Variants in WWP1 observed in about 807,000 individuals in gnomAD.
WWP1 encodes WW domain containing E3 ubiquitin protein ligase 1.
In WWP1, 49 loss-of-function variants were observed where a neutral mutation model predicts 130.6. The ratio of observed to expected loss-of-function variants is 0.38; its 90% CI spans 0.30 to 0.48. The LOEUF is 0.48. WWP1 is among the 20% of genes least tolerant of loss of function. WWP1 has a pLI of 0.99. For synonymous variants in WWP1, 332 were observed against 367.8 expected, an observed-to-expected ratio of 0.90 and a Z score of 1.11; for missense variants, 809 against 1,100.6, an observed-to-expected ratio of 0.74 and a Z score of 3.75.
At chr8:86,399,225 G>A (rs899497888) in intron 7 of WWP1, among the ~76,000 whole-genome samples, 2 of 152,020 alleles carry the variant, frequency 1.3e-5, no homozygotes, top group African/African-American at 2.4e-5. Flanking sequence ...GTATCATACC[G>A]CTCTCTGGAT....
intron 5 of WWP1, among the ~76,000 whole-genome samples, chr8:86,389,074 G>A (rs1462273099): frequency 1.3e-5 from 2 of 151,948 alleles, no homozygotes; most frequent in Admixed American, 1.3e-4. Flanking sequence ...TACTTTCTTA[G>A]ATCTGGGACT....
At chr8:86,458,398 T>G (rs1405658190) in intron 22 of WWP1, among the ~76,000 whole-genome samples, 1 of 152,172 alleles carries the variant, frequency 6.6e-6, no homozygotes, top group Non-Finnish European at 1.5e-5. Context: ...TCCTCTGAGG[T>G]AATAACATAC....
At chr8:86,355,348 C>G (rs568276961) in intron 1 of WWP1, among the ~76,000 whole-genome samples, 4 of 152,168 alleles carry the variant, frequency 2.6e-5, no homozygotes, top group Non-Finnish European at 5.9e-5. Flanking sequence ...GAGTAATTCT[C>G]TTAATCACCT....
chr8:86,431,849 A>G, intron 14 of WWP1, 106 bp downstream of exon 14: 1 of 1,460,794 alleles, frequency 6.8e-7, no homozygotes, highest in African/African-American at 1.4e-5. Flanking sequence ...TTTTTGGTTC[A>G]AGAAAACCTA....
chr8:86,457,958 A>G lies in WWP1; in HGVS notation c.2432A>G (p.Asp811Gly). Residue 811 changes from aspartate to glycine, a missense_variant, in exon 22 of 25, where the codon GAT becomes GGT. Transcript: ENST00000517970. ...GGCATGCAGGAGGTTGACTTGGCAG[A>G]TTGGCAGAGAAATACTGTTTATCGA... ...LCGMQEVDLA[D>G]WQRNTVYRHY... 1.2e-6 allele frequency: 2 copies of G among 1,613,194 alleles called. No homozygotes were observed. The highest frequency in any genetic ancestry group is 1.7e-6 in the Non-Finnish European group (2 of 1,179,288).
At chr8:86,346,208 C>T (rs1395212824) in intron 1 of WWP1, among the ~76,000 whole-genome samples, 3 of 152,180 alleles carry the variant, frequency 2.0e-5, no homozygotes, top group Admixed American at 1.3e-4. Context: ...TTAGCAATAT[C>T]AGATCATTCA....
intron 9 of WWP1, among the ~76,000 whole-genome samples, chr8:86,412,299 T>C (rs1808630557): frequency 6.6e-6 from 1 of 152,226 alleles, no homozygotes; most frequent in Non-Finnish European, 1.5e-5. Flanking sequence ...CAAACCTTGC[T>C]GATTGGCTCT....
At chr8:86,413,170 ACTTTT>A (rs1194139979) in intron 9 of WWP1, among the ~76,000 whole-genome samples, 2 of 152,068 alleles carry the variant, frequency 1.3e-5, no homozygotes, top group African/African-American at 4.8e-5. Flanking sequence ...TTCAGGCCAG[ACTTTT>A]CTTTGAGCTT....
intron 20 of WWP1, among the ~76,000 whole-genome samples, chr8:86,450,302 C>T (rs1358072083): frequency 2.0e-5 from 3 of 152,088 alleles, no homozygotes; most frequent in Non-Finnish European, 4.4e-5. Flanking sequence ...TACTTTTGTA[C>T]TCTGTTAGGT....
intron 9 of WWP1, among the ~76,000 whole-genome samples, chr8:86,415,773 A>T (rs184494352): frequency 6.6e-6 from 1 of 152,202 alleles, no homozygotes; most frequent in African/African-American, 2.4e-5. Flanking sequence ...GCTTCTTCTA[A>T]TCAGCATGAT....
rs1586277173 is a variant in WWP1, at chr8:86,368,945, C to G, written c.-108C>G. The G allele has an allele frequency of 6.6e-6, 1 of 152,182 alleles. No homozygotes were observed. The highest frequency in any genetic ancestry group is 2.1e-4 in the South Asian group (1 of 4,826). 9.4% of individuals were successfully genotyped at this position (152,182 alleles called of 1,614,324 possible). A position where few individuals can be genotyped will look rare whatever the true frequency, so the allele number is the denominator to read the frequency against. ...GCTATTTATTTGTTTACAGGGTTGT[C>G]TCCTCACAGACTATGAGCTCCTTGA... is the stretch of plus-strand genomic sequence containing the variant. On this transcript the variant is annotated 5_prime_UTR_variant, in exon 2 of 25. Coordinates refer to ENST00000517970, the MANE Select transcript of WWP1 (RefSeq NM_007013.4).
At chr8:86,374,770 C>T (rs1051894997) in intron 3 of WWP1, among the ~76,000 whole-genome samples, 27 of 151,760 alleles carry the variant, frequency 1.8e-4, no homozygotes, top group African/African-American at 5.6e-4. Flanking sequence ...AGTACGGTGG[C>T]GCAAACATAC....
chr8:86,433,229 CTT>C lies in WWP1; in HGVS notation c.1601+1504_1601+1505del, dbSNP rs11321240. On this transcript the variant is annotated intron_variant, in intron 14 of 24. Transcript: ENST00000517970. ...GAGTCCTCCTTTTTTTCCTAAGCCT[CTT>C]TTTTTTTTTTTTTTTTTGTTAACTA... Among the ~76,000 whole-genome samples, 302 of 119,012 alleles carry C rather than the reference CTT, an allele frequency of 2.5e-3. 1 individual carries two copies. The highest frequency in any genetic ancestry group is 0.017 in the East Asian group (74 of 4,274). 78.1% of individuals were successfully genotyped at this position (119,012 alleles called of 152,430 possible). A position where few individuals can be genotyped will look rare whatever the true frequency, so the allele number is the denominator to read the frequency against.
chr8:86,396,233 G>T (rs972412962), intron 5 of WWP1, among the ~76,000 whole-genome samples: 38 of 152,116 alleles, frequency 2.5e-4, no homozygotes, highest in African/African-American at 7.7e-4. Flanking sequence ...TAAGTAGCTG[G>T]GACTACAGGC....
intron 7 of WWP1, 77 bp downstream of exon 7, chr8:86,398,715 C>T: frequency 6.6e-7 from 1 of 1,509,412 alleles, no homozygotes; most frequent in Non-Finnish European, 9.1e-7. Flanking sequence ...TATATTTTAC[C>T]TTAGTTTAGA....
intron 8 of WWP1, among the ~76,000 whole-genome samples, chr8:86,403,447 C>T (rs751701567): frequency 1.2e-4 from 19 of 152,156 alleles, no homozygotes; most frequent in Non-Finnish European, 2.5e-4. Context: ...AGGTGTGTGC[C>T]ACCATGCCCC....
intron 20 of WWP1, among the ~76,000 whole-genome samples, chr8:86,448,811 A>T (rs1811023561): frequency 2.6e-5 from 4 of 151,876 alleles, no homozygotes; most frequent in Admixed American, 2.6e-4. Flanking sequence ...ATCCTATGTC[A>T]TACTGATTTT....
chr8:86,436,653 T>G (rs943229758), intron 16 of WWP1, among the ~76,000 whole-genome samples: 2 of 152,228 alleles, frequency 1.3e-5, no homozygotes, highest in Non-Finnish European at 2.9e-5. Context: ...ATGAATGCAG[T>G]ATTTCTTCCT....
chr8:86,355,251 T>C (rs898186932), intron 1 of WWP1, among the ~76,000 whole-genome samples: 1 of 152,212 alleles, frequency 6.6e-6, no homozygotes, highest in Non-Finnish European at 1.5e-5. Flanking sequence ...TGAGTAATGA[T>C]ATCCTGATGA....
Sources: allele counts gnomAD v4.1 joint callset (sites outside exome capture counted in the v4.1 genomes callset), GRCh38; gene constraint gnomAD v4.1.1; transcripts MANE v1.5; gene names NCBI Gene and HGNC (gene_info 2026-07-23, HGNC 2026-07-21).